Variants in DTNB observed in about 807,000 individuals in gnomAD.
The protein encoded by DTNB is DTN-B.
DTNB carries 63 observed loss-of-function variants against 90.7 expected under a neutral mutation model. The ratio of observed to expected loss-of-function variants is 0.69; its 90% CI spans 0.57 to 0.86. The LOEUF (loss-of-function observed/expected upper bound fraction) is 0.86, where lower values mean the gene tolerates loss of function less well. DTNB is among the 40% of genes least tolerant of loss of function. The pLI is 0.00. For synonymous variants in DTNB, 277 were observed against 286.7 expected (o/e 0.97, Z 0.34); for missense variants, 744 against 807.1 (o/e 0.92, Z 0.95).
At chr2:25,611,435 C>T (rs928888483) in intron 4 of DTNB, among the ~76,000 whole-genome samples, 1 of 152,152 alleles carries the variant, frequency 6.6e-6, no homozygotes, top group Non-Finnish European at 1.5e-5. Flanking sequence ...ACAATCAGCC[C>T]TCAGTATTCA....
intron 8 of DTNB, among the ~76,000 whole-genome samples, chr2:25,550,109 T>C (rs1253277395): frequency 6.7e-6 from 1 of 149,788 alleles, no homozygotes; most frequent in African/African-American, 2.4e-5. Flanking sequence ...ATGCTATTGT[T>C]GGCCGGGCGC....
At chr2:25,383,213 CT>C (rs34341817) in intron 19 of DTNB, among the ~76,000 whole-genome samples, 57,797 of 107,700 alleles carry the variant, frequency 0.54, 13,494 homozygotes, top group Non-Finnish European at 0.58. Flanking sequence ...CATTTTTGGT[CT>C]TTTTTTTTTT....
At chr2:25,637,455 C>T (rs1465300717) in intron 3 of DTNB, among the ~76,000 whole-genome samples, 1 of 152,156 alleles carries the variant, frequency 6.6e-6, no homozygotes, top group Admixed American at 6.5e-5. Flanking sequence ...TTGCCACCTA[C>T]CCATCTGACA....
At chr2:25,436,731 G>C (rs1297649614) in intron 12 of DTNB, among the ~76,000 whole-genome samples, 1 of 152,168 alleles carries the variant, frequency 6.6e-6, no homozygotes, top group Non-Finnish European at 1.5e-5. Flanking sequence ...AGTCTTGTGA[G>C]AGCCTGAGTT....
intron 9 of DTNB, among the ~76,000 whole-genome samples, chr2:25,488,157 GA>G (rs999237204): frequency 2.6e-5 from 4 of 152,136 alleles, no homozygotes; most frequent in African/African-American, 9.7e-5. Context: ...GGAAGCAGGG[GA>G]ATGGAAGCTA....
At chr2:25,502,106 C>T (rs1355129279) in intron 9 of DTNB, among the ~76,000 whole-genome samples, 1 of 151,940 alleles carries the variant, frequency 6.6e-6, no homozygotes, top group African/African-American at 2.4e-5. Flanking sequence ...ATTGCTTAAG[C>T]CCAGGGAGGT....
intron 13 of DTNB, 65 bp downstream of exon 13, chr2:25,433,845 T>G: frequency 2.1e-4 from 332 of 1,568,336 alleles, no homozygotes; most frequent in Non-Finnish European, 2.6e-4. Context: ...CCAAGGAAAA[T>G]GAGAATCAGA....
At chr2:25,520,624 TA>T (rs1339671456) in intron 9 of DTNB, among the ~76,000 whole-genome samples, 1 of 152,204 alleles carries the variant, frequency 6.6e-6, no homozygotes, top group African/African-American at 2.4e-5. Flanking sequence ...TTGTTATGAA[TA>T]AGTAGAAAAC....
chr2:25,403,576 C>T (rs985462204), intron 16 of DTNB, among the ~76,000 whole-genome samples: 4 of 152,104 alleles, frequency 2.6e-5, no homozygotes, highest in Admixed American at 2.0e-4. Flanking sequence ...AGGATGTGGT[C>T]CTTATTCAGA....
At chr2:25,504,634 GAAGA>G (rs2071882561) in intron 9 of DTNB, among the ~76,000 whole-genome samples, 3 of 151,636 alleles carry the variant, frequency 2.0e-5, no homozygotes, top group Non-Finnish European at 4.4e-5. Flanking sequence ...AGGAAGGAAG[GAAGA>G]AAGGAAGGAA....
intron 3 of DTNB, among the ~76,000 whole-genome samples, chr2:25,632,192 CAA>C (rs71399307): frequency 1.3e-5 from 1 of 76,880 alleles, no homozygotes; most frequent in African/African-American, 5.8e-5. Flanking sequence ...GACTCTGTCT[CAA>C]AAAAAAAAAA....
chr2:25,501,958 G>A (rs1241053796), intron 9 of DTNB, among the ~76,000 whole-genome samples: 1 of 152,212 alleles, frequency 6.6e-6, no homozygotes, highest in African/African-American at 2.4e-5. Context: ...GACCAAAGTA[G>A]GAGGATCACT....
At chr2:25,398,148 C>T (rs904216785) in intron 16 of DTNB, among the ~76,000 whole-genome samples, 9 of 152,212 alleles carry the variant, frequency 5.9e-5, no homozygotes, top group Admixed American at 4.6e-4. Context: ...GAGGGGTAGG[C>T]AGGGTGGCCA....
At chr2:25,483,765 C>T (rs918856480) in intron 9 of DTNB, among the ~76,000 whole-genome samples, 7 of 152,190 alleles carry the variant, frequency 4.6e-5, no homozygotes, top group South Asian at 2.1e-4. Context: ...GCATCTGGAA[C>T]CACATGACTA....
intron 8 of DTNB, among the ~76,000 whole-genome samples, chr2:25,536,809 C>T (rs933653516): frequency 1.3e-5 from 2 of 152,128 alleles, no homozygotes. Context: ...GTGGGGTGAT[C>T]TCGGCTCACT....
intron 15 of DTNB, among the ~76,000 whole-genome samples, chr2:25,425,745 G>A (rs2051343473): frequency 1.3e-5 from 2 of 152,178 alleles, no homozygotes; most frequent in African/African-American, 4.8e-5. Context: ...TCTCAGCATC[G>A]CTGGGCAGGA....
intron 16 of DTNB, among the ~76,000 whole-genome samples, chr2:25,405,460 G>C (rs1020156378): frequency 2.0e-5 from 3 of 152,088 alleles, no homozygotes; most frequent in Non-Finnish European, 4.4e-5. Flanking sequence ...AGAATCACTT[G>C]AACTGGGAAA....
At chr2:25,558,939 T>C (rs994199237) in intron 8 of DTNB, among the ~76,000 whole-genome samples, 3 of 152,156 alleles carry the variant, frequency 2.0e-5, no homozygotes, top group Non-Finnish European at 4.4e-5. Context: ...AGCTGTCGAA[T>C]GGGAGAGTTT....
intron 2 of DTNB, among the ~76,000 whole-genome samples, chr2:25,648,977 A>G (rs1266725678): frequency 7.1e-6 from 1 of 141,222 alleles, no homozygotes; most frequent in African/African-American, 2.6e-5. Flanking sequence ...CAAAAACAAG[A>G]CGCTATCCTT....
Sources: allele counts gnomAD v4.1 joint callset (sites outside exome capture counted in the v4.1 genomes callset), GRCh38; gene constraint gnomAD v4.1.1; transcripts MANE v1.5; gene names NCBI Gene and HGNC (gene_info 2026-07-23, HGNC 2026-07-21).